The following ERBB4 variants were observed in gnomAD, a reference collection of about 807,000 sequenced individuals.
The protein encoded by ERBB4 is erb-b2 receptor tyrosine kinase 4, also known as receptor tyrosine-protein kinase erbB-4.
ERBB4 carries 42 observed loss-of-function variants against 158.0 expected under a neutral mutation model. That is an observed-to-expected ratio of 0.27 (90% CI 0.21 to 0.34). The LOEUF is 0.34. Ranked by LOEUF, ERBB4 falls within the 10% of genes least tolerant of loss-of-function variation. The pLI is 1.00. For synonymous variants in ERBB4, 583 were observed against 558.7 expected (o/e 1.04, Z -0.61); for missense variants, 1,333 against 1,624.1 (o/e 0.82, Z 3.08).
In ERBB4 at chr2:211,677,623, C is replaced by T. The variant is rs374000123; in HGVS notation, c.1622+1429G>A. Among the ~76,000 whole-genome samples the T allele has an allele frequency of 4.0e-5, 6 of 151,148 alleles. No homozygotes were observed. The East Asian group carries it at 9.7e-4, about 24-fold the overall frequency. On this transcript the variant is annotated intron_variant, in intron 13 of 27. Transcript: ENST00000342788. ...GGCGCAGTGGCTTACGCCTGTAATC[C>T]CAGCACTTTGGGAGGCTGAGGCAGG...
intron 3 of ERBB4, among the ~76,000 whole-genome samples, chr2:211,947,023 C>A (rs2080718530): frequency 6.6e-6 from 1 of 152,012 alleles, no homozygotes; most frequent in Admixed American, 6.6e-5. Context: ...GGTGATTGTG[C>A]AGAAAACTAA....
At chr2:211,398,760 AG>A in intron 25 of ERBB4, among the ~76,000 whole-genome samples, 1 of 152,190 alleles carries the variant, frequency 6.6e-6, no homozygotes, top group African/African-American at 2.4e-5. Context: ...GAACCCAAGA[AG>A]GGGAGGTTGC....
Position 212,538,615 on chromosome 2 carries a change from G to T in ERBB4, c.-85C>A. ...TCGGGCACGCGGAGGAGATCCCCCA[G>T]CCGGGCGCGCGTGGGGGTGCGAGGG... On this transcript the variant is annotated 5_prime_UTR_variant, in exon 1 of 28. In the 5' UTR this introduces an upstream ATG that the reference lacks. Transcript: ENST00000342788. 3 of 1,411,550 alleles carry T rather than the reference G, an allele frequency of 2.1e-6. No individual in the cohort carries two copies. Among genetic ancestry groups the T allele is most frequent in the Non-Finnish European group, 2.0e-6 (2 of 999,274 alleles). 87.4% of individuals were successfully genotyped at this position (1,411,550 alleles called of 1,614,324 possible).
At chr2:212,229,131 T>C (rs181415684) in intron 1 of ERBB4, among the ~76,000 whole-genome samples, 1 of 152,264 alleles carries the variant, frequency 6.6e-6, no homozygotes, top group East Asian at 1.9e-4. Context: ...ATGTACAGTG[T>C]TGCAATTAAG....
At chr2:212,240,010 G>A (rs1014491688) in intron 1 of ERBB4, among the ~76,000 whole-genome samples, 1 of 152,134 alleles carries the variant, frequency 6.6e-6, no homozygotes, top group Non-Finnish European at 1.5e-5. Context: ...ATTAAAATGT[G>A]CATATTGTTA....
chr2:212,421,950 T>C lies in ERBB4; in HGVS notation c.82+116499A>G, dbSNP rs116304278. Among the ~76,000 whole-genome samples the C allele has an allele frequency of 8.1e-3, 1,231 of 152,296 alleles. 18 individuals carry two copies. Among genetic ancestry groups the C allele is most frequent in the African/African-American group, 0.029 (1,185 of 41,564 alleles). Reference sequence around the variant, plus strand: ...CACAACTCTAATTCAAAGTTTGCATTAAGAAGATATCTAACGAACAAACAT... The same window carrying C: ...CACAACTCTAATTCAAAGTTTGCATCAAGAAGATATCTAACGAACAAACAT... On this transcript the variant is annotated intron_variant, in intron 1 of 27. Transcript: ENST00000342788.
chr2:211,740,533 C>T (rs1009995667), intron 5 of ERBB4, among the ~76,000 whole-genome samples: 5 of 151,340 alleles, frequency 3.3e-5, no homozygotes, highest in African/African-American at 1.2e-4. Flanking sequence ...ATCCAGTTAC[C>T]CCTTCTTATC....
intron 2 of ERBB4, among the ~76,000 whole-genome samples, chr2:212,051,084 T>C (rs1297579299): frequency 1.3e-5 from 2 of 152,170 alleles, no homozygotes; most frequent in African/African-American, 4.8e-5. Context: ...TTTGGCAACA[T>C]TCCCCCAATT....
chr2:211,839,205 AAGAG>A (rs60603782), intron 3 of ERBB4, among the ~76,000 whole-genome samples: 17 of 145,856 alleles, frequency 1.2e-4, no homozygotes, highest in East Asian at 4.1e-4. Flanking sequence ...GAAAGAAAGA[AAGAG>A]AGAGAGAGAG....
intron 4 of ERBB4, among the ~76,000 whole-genome samples, chr2:211,754,082 G>A (rs929575370): frequency 2.6e-5 from 4 of 151,754 alleles, no homozygotes; most frequent in Non-Finnish European, 4.4e-5. Context: ...GGATGGTCTC[G>A]ATCTCCTGAC....
intron 1 of ERBB4, among the ~76,000 whole-genome samples, chr2:212,328,609 CTCAAA>C (rs2087977478): frequency 6.6e-6 from 1 of 151,966 alleles, no homozygotes; most frequent in Admixed American, 6.6e-5. Context: ...TTCTTTAAAA[CTCAAA>C]TATCTGAAAC....
chr2:211,608,317 G>T (rs974459942), intron 19 of ERBB4, among the ~76,000 whole-genome samples: 1 of 152,092 alleles, frequency 6.6e-6, no homozygotes, highest in Non-Finnish European at 1.5e-5. Flanking sequence ...CACAGGTATT[G>T]TTACATGTGG....
At chr2:212,355,654 A>C (rs2089436259) in intron 1 of ERBB4, among the ~76,000 whole-genome samples, 2 of 152,066 alleles carry the variant, frequency 1.3e-5, no homozygotes. Context: ...ATATGCTCAT[A>C]AATAAACAGG....
chr2:212,411,288 C>T (rs899937151), intron 1 of ERBB4, among the ~76,000 whole-genome samples: 10 of 152,054 alleles, frequency 6.6e-5, no homozygotes, highest in Admixed American at 6.6e-4. Context: ...CCTTAAATGC[C>T]TCTTATCAAC....
At chr2:211,620,233 A>G (rs535758204) in intron 18 of ERBB4, among the ~76,000 whole-genome samples, 85 of 152,312 alleles carry the variant, frequency 5.6e-4, no homozygotes, top group African/African-American at 1.9e-3. Flanking sequence ...GAAAAATCTC[A>G]AATTTTAGCT....
At chr2:211,752,672 C>G (rs2075169717) in intron 4 of ERBB4, among the ~76,000 whole-genome samples, 2 of 151,984 alleles carry the variant, frequency 1.3e-5, no homozygotes, top group Non-Finnish European at 2.9e-5. Flanking sequence ...ACTTCTTATT[C>G]TTGAAATTCC....
intron 1 of ERBB4, among the ~76,000 whole-genome samples, chr2:212,173,498 T>G (rs1181338172): frequency 1.3e-5 from 2 of 152,110 alleles, no homozygotes; most frequent in Non-Finnish European, 2.9e-5. Context: ...AGGTCTGTTA[T>G]TACCCAGGAA....
At position 212,249,210 on chromosome 2, in the gene ERBB4, T is replaced by C. The variant is rs142799213; in HGVS notation, c.83-124307A>G. On this transcript the variant is annotated intron_variant, in intron 1 of 27. Coordinates refer to ENST00000342788, the MANE Select transcript of ERBB4 (RefSeq NM_005235.3). ...TCATCAAAATATTGGTGGGCTTTGA[T>C]TTCCTGCTCAGAAAAGCAAGGAAGG... Among the ~76,000 whole-genome samples the C allele has an allele frequency of 3.7e-3, 560 of 152,188 alleles. 3 individuals carry two copies. The highest frequency in any genetic ancestry group is 6.5e-3 in the Non-Finnish European group (443 of 67,954).
chr2:212,261,071 AT>A (rs1171625851), intron 1 of ERBB4, among the ~76,000 whole-genome samples: 1 of 152,174 alleles, frequency 6.6e-6, no homozygotes, highest in Non-Finnish European at 1.5e-5. Flanking sequence ...AACAAAGCAC[AT>A]CTCCTCTTTG....
Sources: allele counts gnomAD v4.1 joint callset (sites outside exome capture counted in the v4.1 genomes callset), GRCh38; gene constraint gnomAD v4.1.1; transcripts MANE v1.5; gene names NCBI Gene and HGNC (gene_info 2026-07-23, HGNC 2026-07-21).